FBXL4: variants seen among roughly 807,000 people sequenced by gnomAD.
FBXL4 encodes the protein F-box/LRR-repeat protein 4.
Under a neutral mutation model 58.9 loss-of-function variants are expected in FBXL4, and 40 were observed. The observed-to-expected ratio is 0.68, with a 90% confidence interval of 0.53 to 0.88. FBXL4 has a LOEUF of 0.88. Ranked by LOEUF, FBXL4 falls within the 40% of genes least tolerant of loss-of-function variation. The pLI, the probability that FBXL4 is intolerant of heterozygous loss-of-function variation, is 0.00. For missense variants in FBXL4, 676 were observed against 734.4 expected (o/e 0.92, Z 0.92); for synonymous variants, 263 against 265.5 (o/e 0.99, Z 0.09).
chr6:98,934,082 A>G (rs1773110574), intron 2 of FBXL4, among the ~76,000 whole-genome samples: 1 of 152,190 alleles, frequency 6.6e-6, no homozygotes, highest in Non-Finnish European at 1.5e-5. Flanking sequence ...TGAATACATA[A>G]AAGAGTCTTG....
intron 7 of FBXL4, among the ~76,000 whole-genome samples, chr6:98,883,246 A>G (rs1303365686): frequency 1.3e-5 from 2 of 151,816 alleles, no homozygotes; most frequent in Non-Finnish European, 2.9e-5. Flanking sequence ...GCTTAATCAC[A>G]TCCTTTGCTG....
chr6:98,883,594 T>C lies in FBXL4; in HGVS notation c.1318-2970A>G, dbSNP rs538529211. ...AGGTTTTTAACCCAACTACAATTGA[T>C]TCTTATATGGTAGGATATCAAATTT... On this transcript the variant is annotated intron_variant, in intron 7 of 9. Transcript: ENST00000369244. Among the ~76,000 whole-genome samples, 72 of 152,016 alleles carry C rather than the reference T, an allele frequency of 4.7e-4. 1 individual carries two copies. Among genetic ancestry groups the C allele is most frequent in the African/African-American group, 1.7e-3 (71 of 41,522 alleles).
chr6:98,883,061 TG>T (rs1212430059), intron 7 of FBXL4, among the ~76,000 whole-genome samples: 1 of 152,040 alleles, frequency 6.6e-6, no homozygotes, highest in Non-Finnish European at 1.5e-5. Context: ...CCATCAGTAC[TG>T]TAAGACTGTT....
At chr6:98,929,687 G>C (rs1772938164) in intron 2 of FBXL4, among the ~76,000 whole-genome samples, 1 of 152,130 alleles carries the variant, frequency 6.6e-6, no homozygotes, top group South Asian at 2.1e-4. Context: ...GGCCATAATG[G>C]TTACAAGGGG....
At chr6:98,890,906 G>A (rs1178152747) in intron 7 of FBXL4, among the ~76,000 whole-genome samples, 2 of 151,600 alleles carry the variant, frequency 1.3e-5, no homozygotes, top group Middle Eastern at 3.2e-3. Flanking sequence ...GCATCACAGC[G>A]AGACTCCATT....
In FBXL4 at chr6:98,922,757, A is replaced by T. The variant is rs142339730; in HGVS notation, c.512+3720T>A. Among the ~76,000 whole-genome samples, 283 of 152,308 alleles carry T rather than the reference A, an allele frequency of 1.9e-3. 2 individuals carry two copies. Among genetic ancestry groups the T allele is most frequent in the African/African-American group, 6.7e-3 (277 of 41,584 alleles). The stretch of plus-strand genomic sequence containing the variant: ...GAATTGACCAAGCTCTTCACTGGTT[A>T]ATTTTTTTTGAACAGATGCATAAAC... On this transcript the variant is annotated intron_variant, in intron 4 of 9. Transcript: ENST00000369244.
rs372150490 is a variant in FBXL4, at chr6:98,905,592, G to A, written c.937C>T (p.His313Tyr). The change falls in exon 6 of 10, where the codon CAT (histidine) becomes TAT (tyrosine). Residue 313 changes from histidine (H) to tyrosine (Y), a missense_variant. Transcript: ENST00000369244. The part of the protein sequence containing the change: ...LAQTCKLLSQ[H>Y]CCDPLQYIHL... ...ATGTATTGCAGAGGATCACAGCAAT[G>A]CTGGCTCAGTAGTTTGCAAGTCTGT... 1 of 1,613,840 alleles carries A rather than the reference G, an allele frequency of 6.2e-7. No homozygotes were observed. The highest frequency in any genetic ancestry group is 1.3e-5 in the African/African-American group (1 of 74,894).
chr6:98,893,859 A>G (rs1470110119), intron 7 of FBXL4, among the ~76,000 whole-genome samples: 2 of 151,968 alleles, frequency 1.3e-5, no homozygotes, highest in Non-Finnish European at 2.9e-5. Flanking sequence ...TCAAGTATTT[A>G]AAAATCAATT....
intron 8 of FBXL4, among the ~76,000 whole-genome samples, chr6:98,877,183 G>A (rs1649916500): frequency 6.6e-6 from 1 of 152,132 alleles, no homozygotes; most frequent in South Asian, 2.1e-4. Context: ...CTAAGGTTCT[G>A]GATGTCAGTG....
chr6:98,902,640 T>C (rs372230120), intron 6 of FBXL4, among the ~76,000 whole-genome samples: 65 of 151,578 alleles, frequency 4.3e-4, no homozygotes, highest in African/African-American at 1.5e-3. Flanking sequence ...AGTAAAAACC[T>C]ACACATAACT....
intron 5 of FBXL4, among the ~76,000 whole-genome samples, chr6:98,906,335 C>A (rs943286321): frequency 6.6e-6 from 1 of 150,844 alleles, no homozygotes; most frequent in Non-Finnish European, 1.5e-5. Context: ...AGCCCCACCA[C>A]CCCCCAACAG....
At chr6:98,922,996 C>A (rs1772639420) in intron 4 of FBXL4, among the ~76,000 whole-genome samples, 1 of 152,170 alleles carries the variant, frequency 6.6e-6, no homozygotes, top group Non-Finnish European at 1.5e-5. Context: ...TGCCACCCTG[C>A]AGATGGGCTT....
chr6:98,910,040 C>T (rs1771970575), intron 5 of FBXL4, among the ~76,000 whole-genome samples: 1 of 152,254 alleles, frequency 6.6e-6, no homozygotes, highest in Non-Finnish European at 1.5e-5. Flanking sequence ...TGTGTTATTT[C>T]CATGAAATCT....
chr6:98,876,083 C>T (rs1366872530), intron 8 of FBXL4, among the ~76,000 whole-genome samples: 1 of 152,182 alleles, frequency 6.6e-6, no homozygotes, highest in African/African-American at 2.4e-5. Context: ...ACAGCACCTA[C>T]TTTCCTCCGT....
intron 9 of FBXL4, 97 bp from the exon 10 acceptor site, chr6:98,874,538 T>C: frequency 7.8e-7 from 1 of 1,284,542 alleles, no homozygotes; most frequent in Admixed American, 2.8e-5. Context: ...TTATTGTTTG[T>C]AATGAACTTA....
chr6:98,899,117 A>G (rs1399798355), intron 7 of FBXL4, 151 bp downstream of exon 7: 5 of 1,400,146 alleles, frequency 3.6e-6, no homozygotes, highest in Non-Finnish European at 4.7e-6. Flanking sequence ...CTTCACAATG[A>G]CTGAATCAGC....
At chr6:98,880,023 A>G (rs1770795820) in intron 8 of FBXL4, among the ~76,000 whole-genome samples, 1 of 151,262 alleles carries the variant, frequency 6.6e-6, no homozygotes, top group Non-Finnish European at 1.5e-5. Flanking sequence ...TTTATATTTC[A>G]CAGACCAGTA....
chr6:98,907,731 C>T (rs933928573), intron 5 of FBXL4, among the ~76,000 whole-genome samples: 1 of 151,892 alleles, frequency 6.6e-6, no homozygotes, highest in Non-Finnish European at 1.5e-5. Context: ...TTGCAATTAA[C>T]CTAAATGCTC....
intron 4 of FBXL4, among the ~76,000 whole-genome samples, chr6:98,918,846 A>G (rs2128401558): frequency 6.6e-6 from 1 of 152,284 alleles, no homozygotes; most frequent in African/African-American, 2.4e-5. Flanking sequence ...AGCATTAAAA[A>G]TAATCTCTAG....
Sources: gnomAD v4.1 joint callset for allele counts (sites outside exome capture counted in the v4.1 genomes callset) on GRCh38, gnomAD v4.1.1 for gene constraint, MANE v1.5 for transcripts, NCBI Gene and HGNC (gene_info 2026-07-23, HGNC 2026-07-21) for gene names.